Variants in NOL4 observed in about 807,000 individuals in gnomAD.
NOL4 encodes cancer/testis antigen 125.
In NOL4, 17 loss-of-function variants were observed where a neutral mutation model predicts 75.9. That is an observed-to-expected ratio of 0.22 (90% confidence interval 0.15 to 0.34). NOL4 has a LOEUF of 0.34. NOL4 is among the 10% of genes least tolerant of loss of function. The pLI, the probability that NOL4 is intolerant of heterozygous loss-of-function variation, is 1.00. For synonymous variants in NOL4, 292 were observed against 289.9 expected, an observed-to-expected ratio of 1.01 and a Z score of -0.07; for missense variants, 614 against 793.5, an observed-to-expected ratio of 0.77 and a Z score of 2.72.
chr18:33,865,482 A>G (rs2063386966), intron 10 of NOL4, among the ~76,000 whole-genome samples: 1 of 152,138 alleles, frequency 6.6e-6, no homozygotes, highest in South Asian at 2.1e-4. Flanking sequence ...ACAGAGGGAC[A>G]GCTGTAATGT....
chr18:34,104,554 C>A (rs2079182447), intron 3 of NOL4, among the ~76,000 whole-genome samples: 1 of 151,770 alleles, frequency 6.6e-6, no homozygotes, highest in African/African-American at 2.4e-5. Context: ...CAGGAATGAG[C>A]CAGCAAAAAA....
intron 9 of NOL4, among the ~76,000 whole-genome samples, chr18:33,934,752 G>A (rs1240314107): frequency 2.0e-5 from 3 of 151,990 alleles, no homozygotes; most frequent in African/African-American, 4.8e-5. Flanking sequence ...AGGATTTGGT[G>A]TAAGGGAATG....
At chr18:33,906,492 T>A (rs1054893386) in intron 9 of NOL4, among the ~76,000 whole-genome samples, 9 of 152,184 alleles carry the variant, frequency 5.9e-5, no homozygotes, top group Non-Finnish European at 1.0e-4. Context: ...TGAAAGAGTT[T>A]GGAATCAGAT....
intron 6 of NOL4, among the ~76,000 whole-genome samples, chr18:34,018,336 C>A (rs1255838650): frequency 2.0e-5 from 3 of 152,118 alleles, no homozygotes; most frequent in Admixed American, 6.6e-5. Flanking sequence ...GGCAGGAGTG[C>A]TTAGGTGTCG....
At chr18:33,880,372 G>C (rs184290607) in intron 10 of NOL4, among the ~76,000 whole-genome samples, 40 of 149,140 alleles carry the variant, frequency 2.7e-4, no homozygotes, top group Admixed American at 2.6e-3. Flanking sequence ...TTAAAGTATA[G>C]TTAGGAAAGT....
At chr18:34,039,404 T>C (rs1333530037) in intron 5 of NOL4, among the ~76,000 whole-genome samples, 1 of 152,000 alleles carries the variant, frequency 6.6e-6, no homozygotes, top group Non-Finnish European at 1.5e-5. Flanking sequence ...AGCACTTTCA[T>C]TTTCACTTTT....
intron 5 of NOL4, among the ~76,000 whole-genome samples, chr18:34,068,915 A>G (rs2077395378): frequency 6.6e-6 from 1 of 152,166 alleles, no homozygotes; most frequent in African/African-American, 2.4e-5. Context: ...AAAGGGATTT[A>G]TTATCTGGGA....
chr18:34,015,894 C>G (rs942385928), intron 6 of NOL4, among the ~76,000 whole-genome samples: 3 of 152,084 alleles, frequency 2.0e-5, no homozygotes, highest in Non-Finnish European at 2.9e-5. Context: ...GAATGTTCCT[C>G]TATGCTTTGC....
intron 6 of NOL4, among the ~76,000 whole-genome samples, chr18:33,983,293 G>A (rs1263805188): frequency 6.6e-6 from 1 of 152,042 alleles, no homozygotes; most frequent in Non-Finnish European, 1.5e-5. Flanking sequence ...GCCATAGAAT[G>A]TACACTACTG....
At chr18:33,968,954 A>G (rs1051263890) in intron 6 of NOL4, among the ~76,000 whole-genome samples, 2 of 152,162 alleles carry the variant, frequency 1.3e-5, no homozygotes, top group African/African-American at 4.8e-5. Context: ...GTCTAATGAA[A>G]ATGTCTTTTA....
intron 5 of NOL4, among the ~76,000 whole-genome samples, chr18:34,058,544 G>A (rs1480544108): frequency 6.6e-6 from 1 of 152,028 alleles, no homozygotes; most frequent in African/African-American, 2.4e-5. Flanking sequence ...AACTTTACTG[G>A]AAAAACCCTC....
chr18:34,053,275 G>C (rs2076698693), intron 5 of NOL4, among the ~76,000 whole-genome samples: 2 of 151,760 alleles, frequency 1.3e-5, no homozygotes, highest in South Asian at 4.1e-4. Context: ...AAATTGCCAA[G>C]AGCAAAAGAC....
At chr18:34,130,401 C>T (rs1327755087) in intron 1 of NOL4, among the ~76,000 whole-genome samples, 1 of 151,662 alleles carries the variant, frequency 6.6e-6, no homozygotes, top group Non-Finnish European at 1.5e-5. Flanking sequence ...TTCATCCAAA[C>T]AATATTGAGT....
chr18:33,886,240 A>G (rs2064640600), intron 9 of NOL4, among the ~76,000 whole-genome samples: 1 of 151,998 alleles, frequency 6.6e-6, no homozygotes, highest in African/African-American at 2.4e-5. Flanking sequence ...AATTGAAAGA[A>G]TAAATGGCTG....
intron 6 of NOL4, among the ~76,000 whole-genome samples, chr18:33,962,497 C>T (rs535024741): frequency 6.6e-6 from 1 of 152,264 alleles, no homozygotes; most frequent in South Asian, 2.1e-4. Flanking sequence ...AAACTGCCTC[C>T]ATGCAATGAT....
intron 1 of NOL4, among the ~76,000 whole-genome samples, chr18:34,211,496 C>T (rs1273158701): frequency 6.6e-6 from 1 of 152,186 alleles, no homozygotes; most frequent in Non-Finnish European, 1.5e-5. Context: ...CCATATGTGC[C>T]TCTTAGCTTT....
At chr18:33,987,128 T>C (rs2072522980) in intron 6 of NOL4, among the ~76,000 whole-genome samples, 1 of 152,152 alleles carries the variant, frequency 6.6e-6, no homozygotes, top group Admixed American at 6.6e-5. Context: ...TACAACTATA[T>C]ATGGTTGTTA....
intron 10 of NOL4, among the ~76,000 whole-genome samples, chr18:33,868,649 TCA>T (rs10669407): frequency 0.074 from 10,140 of 137,830 alleles, 357 homozygotes; most frequent in Middle Eastern, 0.13. Flanking sequence ...TTCCTGTATT[TCA>T]CACACACACA....
chr18:33,934,862 G>GTTT (rs869081039), intron 9 of NOL4, among the ~76,000 whole-genome samples: 10 of 118,306 alleles, frequency 8.5e-5, no homozygotes, highest in East Asian at 2.4e-4. Context: ...GGAGTAGCAC[G>GTTT]TTTTTTTTTT....
Sources: allele counts gnomAD v4.1 joint callset (sites outside exome capture counted in the v4.1 genomes callset), GRCh38; gene constraint gnomAD v4.1.1; transcripts MANE v1.5; gene names NCBI Gene and HGNC (gene_info 2026-07-23, HGNC 2026-07-21).